Variants in GALNT13 observed in about 807,000 individuals in gnomAD.
GALNT13 encodes the protein polypeptide N-acetylgalactosaminyltransferase 13, also known as UDP-GalNAc:polypeptide N-acetylgalactosaminyltransferase 13.
In GALNT13, 28 loss-of-function variants were observed where a neutral mutation model predicts 64.2. The observed-to-expected ratio is 0.44, with a 90% CI of 0.32 to 0.60. The LOEUF (loss-of-function observed/expected upper bound fraction) is 0.60, where lower values mean the gene tolerates loss of function less well. GALNT13 is among the 20% of genes least tolerant of loss of function. GALNT13 has a pLI of 0.05. For missense variants in GALNT13, 577 were observed against 669.8 expected, an observed-to-expected ratio of 0.86 and a Z score of 1.53; for synonymous variants, 214 against 224.6, an observed-to-expected ratio of 0.95 and a Z score of 0.42.
chr2:153,880,193 A>G (rs950511237), intron 1 of GALNT13, among the ~76,000 whole-genome samples: 3 of 152,138 alleles, frequency 2.0e-5, no homozygotes, highest in Non-Finnish European at 4.4e-5. Context: ...ACCTAAATTT[A>G]TGGATTTTTT....
Position 153,896,218 on chromosome 2 carries a change from C to G in GALNT13, c.-176-4718C>G, listed in dbSNP as rs1224545621. ...GTCTTTTTTCTTTAAGTCCTGACTA[C>G]TTTCACTTATTTTTTGATTACCATT... On this transcript the variant is annotated intron_variant, in intron 1 of 12. Transcript: ENST00000392825. Among the ~76,000 whole-genome samples the G allele has an allele frequency of 2.7e-5, 4 of 150,162 alleles. No homozygotes were observed. The East Asian group carries it at 8.0e-4, about 30-fold the overall frequency.
intron 8 of GALNT13, chr2:154,287,108 G>C: frequency 1.8e-6 from 2 of 1,102,312 alleles, no homozygotes; most frequent in South Asian, 2.5e-5. Flanking sequence ...ACCTTTGGAT[G>C]GCATGTCCTT....
the GALNT13 span, among the ~76,000 whole-genome samples, chr2:153,668,492 TAGG>T: frequency 6.6e-6 from 1 of 150,660 alleles, no homozygotes; most frequent in South Asian, 2.1e-4. Context: ...TAGATGCAGC[TAGG>T]AGGAACACTT....
the GALNT13 span, among the ~76,000 whole-genome samples, chr2:153,443,601 C>T: frequency 6.6e-6 from 1 of 152,126 alleles, no homozygotes; most frequent in African/African-American, 2.4e-5. Flanking sequence ...TATTATTTAT[C>T]TTCTATCCTT....
At chr2:153,740,150 C>A in the GALNT13 span, among the ~76,000 whole-genome samples, 1 of 151,836 alleles carries the variant, frequency 6.6e-6, no homozygotes, top group Non-Finnish European at 1.5e-5. Flanking sequence ...TTGTCTTTTG[C>A]TATACTTGTG....
intron 3 of GALNT13, among the ~76,000 whole-genome samples, chr2:154,045,591 G>C (rs938178004): frequency 1.3e-5 from 2 of 152,158 alleles, no homozygotes; most frequent in Non-Finnish European, 2.9e-5. Context: ...CTGGACGCAA[G>C]TGTTTTTGCT....
At chr2:153,263,718 T>C in the GALNT13 span, among the ~76,000 whole-genome samples, 1 of 152,174 alleles carries the variant, frequency 6.6e-6, no homozygotes, top group Non-Finnish European at 1.5e-5. Flanking sequence ...ATTTCATAAA[T>C]GGTACTGAGA....
chr2:153,357,732 T>C, the GALNT13 span, among the ~76,000 whole-genome samples: 1 of 152,190 alleles, frequency 6.6e-6, no homozygotes, highest in African/African-American at 2.4e-5. Context: ...CCCTGACCCT[T>C]ATTTGTGCTA....
At chr2:153,347,318 G>C in the GALNT13 span, among the ~76,000 whole-genome samples, 1 of 152,182 alleles carries the variant, frequency 6.6e-6, no homozygotes, top group African/African-American at 2.4e-5. Context: ...ATCAGTTCTA[G>C]GGATGTGTGG....
At chr2:154,256,664 C>T (rs537819318) in intron 7 of GALNT13, among the ~76,000 whole-genome samples, 26 of 152,074 alleles carry the variant, frequency 1.7e-4, no homozygotes, top group Non-Finnish European at 3.5e-4. Flanking sequence ...GATAAATTAC[C>T]TACCCTTATT....
chr2:153,164,477 G>A, the GALNT13 span, among the ~76,000 whole-genome samples: 11 of 152,136 alleles, frequency 7.2e-5, no homozygotes, highest in East Asian at 7.7e-4. Context: ...CTGTGTTTAC[G>A]TGTATTTGAA....
the GALNT13 span, among the ~76,000 whole-genome samples, chr2:153,495,845 C>T: frequency 6.6e-6 from 1 of 152,206 alleles, no homozygotes; most frequent in Non-Finnish European, 1.5e-5. Context: ...CATTGGTCAA[C>T]ACTCACTTGA....
chr2:153,561,577 A>C, the GALNT13 span, among the ~76,000 whole-genome samples: 3 of 151,974 alleles, frequency 2.0e-5, no homozygotes, highest in Non-Finnish European at 2.9e-5. Context: ...TGGTGCTCAA[A>C]AATTTCAGAT....
the GALNT13 span, among the ~76,000 whole-genome samples, chr2:153,600,823 T>G: frequency 6.6e-6 from 1 of 151,990 alleles, no homozygotes. Context: ...GTAATTCAGA[T>G]GAGGATCCCT....
chr2:153,956,426 C>T (rs1007870982), intron 3 of GALNT13, among the ~76,000 whole-genome samples: 6 of 152,186 alleles, frequency 3.9e-5, no homozygotes, highest in Admixed American at 6.5e-5. Context: ...TTTAATACTT[C>T]CATACATTCT....
the GALNT13 span, among the ~76,000 whole-genome samples, chr2:153,812,374 T>C: frequency 6.6e-6 from 1 of 152,218 alleles, no homozygotes; most frequent in Admixed American, 6.5e-5. Context: ...CTTAGGTTTC[T>C]ATTGTTAATT....
chr2:154,109,655 A>G (rs1253847723), intron 3 of GALNT13, among the ~76,000 whole-genome samples: 2 of 152,164 alleles, frequency 1.3e-5, no homozygotes, highest in African/African-American at 4.8e-5. Flanking sequence ...CATGTCTTCT[A>G]TACCTAATTT....
At chr2:153,816,472 A>G in the GALNT13 span, among the ~76,000 whole-genome samples, 127 of 152,194 alleles carry the variant, frequency 8.3e-4, no homozygotes, top group Non-Finnish European at 1.1e-3. Context: ...GCCATTGGAC[A>G]TATTTAGCTT....
the GALNT13 span, among the ~76,000 whole-genome samples, chr2:153,586,878 G>C: frequency 1.3e-5 from 2 of 151,962 alleles, no homozygotes; most frequent in Admixed American, 6.6e-5. Context: ...ATAGCAAGAG[G>C]AACTTTGGAA....
Sources: allele counts gnomAD v4.1 joint callset (sites outside exome capture counted in the v4.1 genomes callset), GRCh38; gene constraint gnomAD v4.1.1; transcripts MANE v1.5; gene names NCBI Gene and HGNC (gene_info 2026-07-23, HGNC 2026-07-21).